Variants in ADAM23 observed in about 807,000 individuals in gnomAD.
ADAM23 encodes the protein ADAM metallopeptidase domain 23.
Under a neutral mutation model 120.1 loss-of-function variants are expected in ADAM23, and 33 were observed. The observed-to-expected ratio is 0.27, with a 90% confidence interval of 0.21 to 0.37. The LOEUF is 0.37. ADAM23 is among the 10% of genes least tolerant of loss of function. The pLI is 1.00. For synonymous variants in ADAM23, 367 were observed against 375.2 expected, an observed-to-expected ratio of 0.98 and a Z score of 0.25; for missense variants, 862 against 1,058.2, an observed-to-expected ratio of 0.81 and a Z score of 2.57.
At chr2:206,484,330 C>T (rs1482157952) in intron 3 of ADAM23, among the ~76,000 whole-genome samples, 1 of 152,044 alleles carries the variant, frequency 6.6e-6, no homozygotes, top group African/African-American at 2.4e-5. Flanking sequence ...GTGAGGAAGC[C>T]CATCAAGGTC....
chr2:206,552,389 GTTAAT>G (rs1437472148), intron 9 of ADAM23, among the ~76,000 whole-genome samples: 1 of 152,056 alleles, frequency 6.6e-6, no homozygotes, highest in Non-Finnish European at 1.5e-5. Context: ...ACTACTAAGT[GTTAAT>G]TACAATTAAA....
intron 3 of ADAM23, among the ~76,000 whole-genome samples, chr2:206,527,038 C>G (rs1696960642): frequency 2.0e-5 from 3 of 152,196 alleles, no homozygotes. Flanking sequence ...GGTCACTCCT[C>G]TTTCAACAGA....
intron 24 of ADAM23, among the ~76,000 whole-genome samples, chr2:206,603,191 T>A (rs941831280): frequency 8.0e-6 from 1 of 125,240 alleles, no homozygotes; most frequent in Non-Finnish European, 1.9e-5. Flanking sequence ...AGAAGTAGAA[T>A]TTTTTTCAAT....
At chr2:206,583,785 C>T (rs908376760) in intron 18 of ADAM23, among the ~76,000 whole-genome samples, 1 of 151,970 alleles carries the variant, frequency 6.6e-6, no homozygotes, top group African/African-American at 2.4e-5. Context: ...GATTTCCTTG[C>T]TTTTGGCTTT....
intron 2 of ADAM23, among the ~76,000 whole-genome samples, chr2:206,470,615 G>A (rs1695637892): frequency 6.6e-6 from 1 of 152,150 alleles, no homozygotes; most frequent in Non-Finnish European, 1.5e-5. Flanking sequence ...TCTATGTTGA[G>A]GAACAGGCCT....
At chr2:206,581,078 G>A (rs769319189) in intron 18 of ADAM23, among the ~76,000 whole-genome samples, 75 of 152,072 alleles carry the variant, frequency 4.9e-4, no homozygotes, top group African/African-American at 1.6e-3. Context: ...TCATTTCTTA[G>A]TGAGGTTTTT....
At chr2:206,517,162 G>A (rs540977529) in intron 3 of ADAM23, among the ~76,000 whole-genome samples, 1 of 152,290 alleles carries the variant, frequency 6.6e-6, no homozygotes, top group African/African-American at 2.4e-5. Context: ...TAATCTTGCA[G>A]TCATGTCTGC....
intron 2 of ADAM23, among the ~76,000 whole-genome samples, chr2:206,470,001 C>G (rs1012517077): frequency 5.3e-5 from 8 of 152,192 alleles, no homozygotes; most frequent in Admixed American, 3.3e-4. Context: ...CTCTTGTCTA[C>G]TTTAATCTTT....
chr2:206,553,644 A>T (rs112162923), intron 9 of ADAM23, among the ~76,000 whole-genome samples: 2 of 152,104 alleles, frequency 1.3e-5, no homozygotes, highest in African/African-American at 2.4e-5. Flanking sequence ...GCTGAAAAAA[A>T]TTTTTTGAGG....
intron 3 of ADAM23, among the ~76,000 whole-genome samples, chr2:206,490,527 T>C (rs934444822): frequency 8.5e-5 from 13 of 152,160 alleles, no homozygotes; most frequent in African/African-American, 3.1e-4. Context: ...TTTGAAAAAG[T>C]GTGTGATGAT....
intron 25 of ADAM23, among the ~76,000 whole-genome samples, chr2:206,610,264 G>A (rs1051233409): frequency 1.2e-4 from 19 of 152,304 alleles, no homozygotes; most frequent in African/African-American, 4.6e-4. Context: ...AGACAGTCCA[G>A]CTTGTAAGAG....
chr2:206,464,027 G>C (rs1039159354), intron 2 of ADAM23, among the ~76,000 whole-genome samples: 1 of 152,150 alleles, frequency 6.6e-6, no homozygotes, highest in African/African-American at 2.4e-5. Flanking sequence ...TCTGGACTCT[G>C]TAGATAGTTG....
intron 3 of ADAM23, among the ~76,000 whole-genome samples, chr2:206,492,578 T>C (rs942744285): frequency 2.0e-5 from 3 of 152,182 alleles, no homozygotes; most frequent in African/African-American, 7.2e-5. Context: ...CAAGCCTTGA[T>C]ATCTGGTGAG....
At position 206,594,640 on chromosome 2, in the gene ADAM23, T is replaced by C. The variant is rs1574555288; in HGVS notation, c.2079-97T>C. The C allele has an allele frequency of 1.9e-5, 26 of 1,397,530 alleles. No homozygotes were observed. The East Asian group carries it at 5.8e-4, about 31-fold the overall frequency. 86.6% of individuals were successfully genotyped at this position (1,397,530 alleles called of 1,614,324 possible). A position where few individuals can be genotyped will look rare whatever the true frequency, so the allele number is the denominator to read the frequency against. The stretch of plus-strand genomic sequence containing the variant: ...AATGCTAGGAGAAATCCACATCCAC[T>C]GACAGCCTCTTCGGTTTTGTGAAGA... On this transcript the variant is annotated intron_variant, in intron 22 of 25. Transcript: ENST00000264377.
At chr2:206,525,498 T>G (rs1696925250) in intron 3 of ADAM23, among the ~76,000 whole-genome samples, 1 of 152,240 alleles carries the variant, frequency 6.6e-6, no homozygotes, top group African/African-American at 2.4e-5. Flanking sequence ...CACGTCGTCT[T>G]GTTCTGAACA....
chr2:206,554,951 C>T (rs1421138556), intron 9 of ADAM23, among the ~76,000 whole-genome samples: 4 of 152,054 alleles, frequency 2.6e-5, no homozygotes, highest in East Asian at 1.9e-4. Context: ...GCTTCTATGA[C>T]GTGGTAGCTC....
At chr2:206,496,984 G>A (rs567420835) in intron 3 of ADAM23, among the ~76,000 whole-genome samples, 17 of 152,028 alleles carry the variant, frequency 1.1e-4, no homozygotes, top group South Asian at 2.1e-4. Context: ...GACCAATAAC[G>A]GGCTCTGAAA....
At chr2:206,444,921 C>CA (rs1695046330) in intron 1 of ADAM23, among the ~76,000 whole-genome samples, 1 of 152,130 alleles carries the variant, frequency 6.6e-6, no homozygotes, top group African/African-American at 2.4e-5. Context: ...TCTGTGGACT[C>CA]AGAGAAGGGG....
intron 13 of ADAM23, 67 bp from the exon 14 acceptor site, chr2:206,564,953 C>G: frequency 6.4e-7 from 1 of 1,563,986 alleles, no homozygotes; most frequent in Admixed American, 1.7e-5. Context: ...AGTTGTAATA[C>G]CAAAAAAATA....
Sources: allele counts gnomAD v4.1 joint callset (sites outside exome capture counted in the v4.1 genomes callset), GRCh38; gene constraint gnomAD v4.1.1; transcripts MANE v1.5; gene names NCBI Gene and HGNC (gene_info 2026-07-23, HGNC 2026-07-21).